DIAPH2: variants seen among roughly 807,000 people sequenced by gnomAD.
DIAPH2 encodes the protein diaphanous related formin 2, also known as protein diaphanous homolog 2.
DIAPH2 carries 35 observed loss-of-function variants against 92.7 expected under a neutral mutation model. That is an observed-to-expected ratio of 0.38 (90% CI 0.29 to 0.50). The LOEUF (loss-of-function observed/expected upper bound fraction) is 0.50. Among genes scored for constraint, DIAPH2 ranks in the 20% least tolerant of loss-of-function variants. The probability of loss-of-function intolerance (pLI) is 0.94; values close to 1 mark genes in which losing one functional copy is unlikely to be tolerated. For missense variants in DIAPH2, 701 were observed against 819.5 expected (o/e 0.86, Z 1.77); for synonymous variants, 301 against 280.4 (o/e 1.07, Z -0.73).
intron 7 of DIAPH2, among the ~76,000 whole-genome samples, chrX:96,913,032 A>G (rs1241847854): frequency 9.1e-6 from 1 of 110,080 alleles, no homozygotes; most frequent in Admixed American, 9.8e-5. Flanking sequence ...AGAGGATTTC[A>G]GGGATGATAT....
intron 22 of DIAPH2, among the ~76,000 whole-genome samples, chrX:97,148,562 G>A (rs961955523): frequency 1.8e-5 from 2 of 110,426 alleles, no homozygotes; most frequent in African/African-American, 3.3e-5. Flanking sequence ...TTACAATCTC[G>A]GTGCTATCAT....
intron 26 of DIAPH2, among the ~76,000 whole-genome samples, chrX:97,495,387 G>A (rs1465972039): frequency 8.9e-6 from 1 of 111,976 alleles, no homozygotes; most frequent in African/African-American, 3.2e-5. Flanking sequence ...CCTTTACTTA[G>A]ATGAGCAATA....
intron 25 of DIAPH2, among the ~76,000 whole-genome samples, chrX:97,409,752 C>T (rs749688748): frequency 1.8e-4 from 20 of 112,469 alleles, no homozygotes; most frequent in Admixed American, 1.0e-3. Flanking sequence ...CCCACGCTCA[C>T]GGAGCCTTGC....
intron 17 of DIAPH2, 32 bp downstream of exon 17, chrX:96,965,239 G>T: frequency 9.5e-7 from 1 of 1,055,059 alleles, no homozygotes; most frequent in Non-Finnish European, 1.3e-6. Flanking sequence ...ATAAGTTCCC[G>T]ATTCAGGTAC....
intron 23 of DIAPH2, among the ~76,000 whole-genome samples, chrX:97,305,351 G>A (rs2068737116): frequency 9.1e-6 from 1 of 110,077 alleles, no homozygotes; most frequent in Non-Finnish European, 1.9e-5. Context: ...AAATTAGCTG[G>A]GCGTGGTGGC....
At chrX:97,299,751 G>A (rs146071734) in intron 23 of DIAPH2, among the ~76,000 whole-genome samples, 379 of 112,079 alleles carry the variant, frequency 3.4e-3, no homozygotes, top group African/African-American at 0.012. Context: ...ATTATACATT[G>A]GATGAAATGT....
intron 4 of DIAPH2, among the ~76,000 whole-genome samples, chrX:96,859,610 CTTATTTAT>C (rs35571904): frequency 0.056 from 5,276 of 94,375 alleles, 304 homozygotes; most frequent in African/African-American, 0.16. Context: ...ATAATAGATT[CTTATTTAT>C]TTATTTATTT....
intron 17 of DIAPH2, among the ~76,000 whole-genome samples, chrX:97,060,078 A>G (rs1357271286): frequency 8.9e-6 from 1 of 112,588 alleles, no homozygotes; most frequent in African/African-American, 3.2e-5. Flanking sequence ...AATTTTACGT[A>G]TTTACTTCCT....
chrX:97,566,360 A>G (rs1006488869), intron 26 of DIAPH2, among the ~76,000 whole-genome samples: 1 of 111,816 alleles, frequency 8.9e-6, no homozygotes, highest in South Asian at 3.7e-4. Context: ...TTCATCGTAT[A>G]TATGTATTAA....
chrX:97,119,974 A>C (rs5966984), intron 21 of DIAPH2, among the ~76,000 whole-genome samples: 7,731 of 111,396 alleles, frequency 0.069, 652 homozygotes, highest in African/African-American at 0.23. Flanking sequence ...CCCACCTCCG[A>C]GCTGTGAAAG....
At chrX:97,239,150 G>C (rs1254219849) in intron 22 of DIAPH2, among the ~76,000 whole-genome samples, 1 of 111,883 alleles carries the variant, frequency 8.9e-6, no homozygotes, top group African/African-American at 3.2e-5. Flanking sequence ...GGTCTAGACA[G>C]TGTCACTGGA....
rs558229143 is a variant in DIAPH2 at position 97,164,448 on chromosome X, C to T, written c.2719+22654C>T. Among the ~76,000 whole-genome samples, 4 of 111,511 alleles carry T rather than the reference C, an allele frequency of 3.6e-5. No individual in the cohort carries two copies. The South Asian group carries it at 1.1e-3, about 32-fold the overall frequency. On this transcript the variant is annotated intron_variant, in intron 22 of 26. Coordinates refer to ENST00000324765, the MANE Select transcript of DIAPH2 (RefSeq NM_006729.5). Reference sequence around the variant, plus strand: ...GCAAAAGTGAGGCAGACTTATGGTTCTGAGTGAGCACTACCATTTAAAAGA... The same window carrying T: ...GCAAAAGTGAGGCAGACTTATGGTTTTGAGTGAGCACTACCATTTAAAAGA...
intron 4 of DIAPH2, among the ~76,000 whole-genome samples, chrX:96,846,897 G>A (rs1043019855): frequency 5.4e-5 from 6 of 110,447 alleles, no homozygotes; most frequent in African/African-American, 2.0e-4. Context: ...ACCTATTTTA[G>A]TGTTACAGTC....
At chrX:97,220,594 G>A (rs1463982669) in intron 22 of DIAPH2, among the ~76,000 whole-genome samples, 1 of 111,626 alleles carries the variant, frequency 9.0e-6, no homozygotes, top group Non-Finnish European at 1.9e-5. Flanking sequence ...TGAGAGCAGG[G>A]AAGGTGATGT....
At chrX:96,766,228 T>C (rs770772614) in intron 4 of DIAPH2, among the ~76,000 whole-genome samples, 18 of 103,055 alleles carry the variant, frequency 1.7e-4, no homozygotes, top group Admixed American at 1.5e-3. Context: ...TATATATATA[T>C]ACACATATAT....
intron 22 of DIAPH2, among the ~76,000 whole-genome samples, chrX:97,151,638 T>C (rs1228634977): frequency 9.0e-6 from 1 of 111,191 alleles, no homozygotes; most frequent in African/African-American, 3.3e-5. Flanking sequence ...TGCTGTCTTA[T>C]ATGTCATTGA....
At chrX:97,584,600 C>A (rs2071467030) in intron 26 of DIAPH2, among the ~76,000 whole-genome samples, 1 of 111,291 alleles carries the variant, frequency 9.0e-6, no homozygotes, top group East Asian at 2.8e-4. Flanking sequence ...TACCATCAGT[C>A]AACATTTTGT....
Position 96,694,532 on chromosome X carries a change from G to T in DIAPH2, c.132+9342G>T, listed in dbSNP as rs139265648. On this transcript the variant is annotated intron_variant, in intron 1 of 26. Transcript: ENST00000324765. ...ATTTTTGTATTTTTAGTAGAGATGGGGTTTCCCAATGTTTCCCAGGCTAGT... is the reference window on the plus strand; with the variant it reads ...ATTTTTGTATTTTTAGTAGAGATGGTGTTTCCCAATGTTTCCCAGGCTAGT... 8.3e-3 allele frequency among the ~76,000 whole-genome samples: 915 copies of T among 110,666 alleles called. 9 individuals are homozygous for T. The highest frequency in any genetic ancestry group is 0.029 in the African/African-American group (874 of 30,399).
intron 10 of DIAPH2, among the ~76,000 whole-genome samples, chrX:96,932,931 C>G (rs1344248077): frequency 1.8e-5 from 2 of 111,499 alleles, no homozygotes; most frequent in African/African-American, 3.3e-5. Flanking sequence ...TCCCCCACAC[C>G]CTACTACCCT....
Sources: gnomAD v4.1 joint callset for allele counts (sites outside exome capture counted in the v4.1 genomes callset) on GRCh38, gnomAD v4.1.1 for gene constraint, MANE v1.5 for transcripts, NCBI Gene and HGNC (gene_info 2026-07-23, HGNC 2026-07-21) for gene names.